Variants in NRXN1 observed in about 807,000 individuals in gnomAD.
NRXN1 encodes the protein neurexin-1.
NRXN1 carries 39 observed loss-of-function variants against 150.9 expected under a neutral mutation model. That is an observed-to-expected ratio of 0.26 (90% CI 0.20 to 0.34). The LOEUF (loss-of-function observed/expected upper bound fraction) is 0.34. NRXN1 is among the 10% of genes least tolerant of loss of function. The pLI is 1.00. For missense variants in NRXN1, 1,815 were observed against 1,949.9 expected, an observed-to-expected ratio of 0.93 and a Z score of 1.30; for synonymous variants, 924 against 757.0, an observed-to-expected ratio of 1.22 and a Z score of -3.62.
Position 50,883,421 on chromosome 2 carries a change from C to CTT in NRXN1, c.832+38446_832+38447dup, listed in dbSNP as rs11388531. 4.1e-4 allele frequency among the ~76,000 whole-genome samples: 59 copies of CTT among 144,038 alleles called. 1 individual carries two copies. Among genetic ancestry groups the CTT allele is most frequent in the East Asian group, 3.8e-3 (19 of 4,942 alleles). 94.5% of individuals were successfully genotyped at this position (144,038 alleles called of 152,430 possible). ...AGTTCACAACATTCAACATTTACAT[C>CTT]TTTTTTTTTTTTTGCATTTTAAGTA... is the stretch of plus-strand genomic sequence containing the variant. On this transcript the variant is annotated intron_variant, in intron 5 of 22. Coordinates refer to ENST00000401669, the MANE Select transcript of NRXN1 (RefSeq NM_001330078.2).
intron 8 of NRXN1, among the ~76,000 whole-genome samples, chr2:50,603,542 C>CT (rs1319843152): frequency 1.3e-5 from 2 of 152,090 alleles, no homozygotes; most frequent in African/African-American, 4.8e-5. Flanking sequence ...TGTTAGTTTG[C>CT]TTTTGATCAA....
At chr2:50,934,667 T>C (rs1341057540) in intron 2 of NRXN1, among the ~76,000 whole-genome samples, 1 of 152,188 alleles carries the variant, frequency 6.6e-6, no homozygotes, top group African/African-American at 2.4e-5. Context: ...TATCAAGCTA[T>C]TCATATAATG....
At position 50,528,644 on chromosome 2, in the gene NRXN1, G is replaced by A; in HGVS notation, c.2355C>T (p.Ile785=). 1 of 1,547,296 alleles carries A rather than the reference G, an allele frequency of 6.5e-7. No homozygotes were observed. Among genetic ancestry groups the A allele is most frequent in the Non-Finnish European group, 8.9e-7 (1 of 1,127,136 alleles). Reference sequence around the variant, plus strand: ...ACTTACTGGAATTACAGTTAATCCTGATACAATCTAGATGGGGAAGAATAG... The same window carrying A: ...ACTTACTGGAATTACAGTTAATCCTAATACAATCTAGATGGGGAAGAATAG... ...RVKLTVNLDC[I]RINCNSSKGP... is the part of the protein sequence containing the mutation. The change falls in exon 12 of 23, where the codon ATC becomes ATT. Residue 785 remains isoleucine, a synonymous_variant. Coordinates refer to ENST00000401669, the MANE Select transcript of NRXN1 (RefSeq NM_001330078.2).
Position 49,928,622 on chromosome 2 carries a change from GA to G in NRXN1, c.4217-6372del, listed in dbSNP as rs544201095. Among the ~76,000 whole-genome samples the G allele has an allele frequency of 2.1e-3, 321 of 151,172 alleles. 1 individual carries two copies. Among genetic ancestry groups the G allele is most frequent in the African/African-American group, 7.4e-3 (304 of 41,234 alleles). ...ATTAGCACACTTTTTTCCCCCATTT[GA>G]AAAAAAACAACTCAAAGTTTATTAC... On this transcript the variant is annotated intron_variant, in intron 22 of 22. Coordinates refer to ENST00000401669, the MANE Select transcript of NRXN1 (RefSeq NM_001330078.2).
chr2:50,827,231 A>G (rs1670580029), intron 5 of NRXN1, among the ~76,000 whole-genome samples: 1 of 152,218 alleles, frequency 6.6e-6, no homozygotes, highest in South Asian at 2.1e-4. Context: ...AAATACATCA[A>G]TATTTCTAGC....
rs1231033635 is a variant in NRXN1, at chr2:50,538,306, C to T, written c.2090G>A (p.Arg697Lys). Residue 697 changes from arginine to lysine, a missense_variant, in exon 10 of 23, where the codon AGA (arginine) becomes AAA (lysine). Transcript: ENST00000401669. ...TGTTCCGGAACAATCACAGACATAT[C>T]TGTTCCACCCATCCCTGCACATGCC... ...NNGMCRDGWN[R>K]YVCDCSGTGY... 6.2e-7 allele frequency: 1 copy of T among 1,613,948 alleles called. No homozygotes were observed. The highest frequency in any genetic ancestry group is 8.5e-7 in the Non-Finnish European group (1 of 1,179,848).
chr2:50,303,785 C>A (rs72874462), intron 17 of NRXN1, among the ~76,000 whole-genome samples: 28,948 of 151,992 alleles, frequency 0.19, 2,996 homozygotes, highest in East Asian at 0.39. Flanking sequence ...TAGGTAAAAA[C>A]AATTTCCATT....
At chr2:50,817,478 G>A (rs529116966) in intron 5 of NRXN1, among the ~76,000 whole-genome samples, 66 of 152,124 alleles carry the variant, frequency 4.3e-4, no homozygotes, top group African/African-American at 1.6e-3. Flanking sequence ...TAGAAGAGAA[G>A]AGAACATTTC....
intron 21 of NRXN1, among the ~76,000 whole-genome samples, chr2:49,977,393 T>C (rs1324965812): frequency 6.6e-6 from 1 of 152,200 alleles, no homozygotes. Context: ...CATTCTATAA[T>C]GTACAGGACA....
At chr2:50,270,594 TAC>T (rs1206784610) in intron 17 of NRXN1, among the ~76,000 whole-genome samples, 2 of 152,138 alleles carry the variant, frequency 1.3e-5, no homozygotes, top group Non-Finnish European at 2.9e-5. Flanking sequence ...TTTCCCATTA[TAC>T]ACACAGTTTA....
intron 18 of NRXN1, among the ~76,000 whole-genome samples, chr2:50,105,483 C>T (rs1165194077): frequency 1.3e-5 from 2 of 151,974 alleles, no homozygotes; most frequent in African/African-American, 4.8e-5. Context: ...AGTTTACATC[C>T]AGTTTTTCTC....
At chr2:50,265,978 T>C (rs957126314) in intron 17 of NRXN1, among the ~76,000 whole-genome samples, 3 of 93,460 alleles carry the variant, frequency 3.2e-5, no homozygotes, top group Non-Finnish European at 6.2e-5. Flanking sequence ...ATTATTATTA[T>C]TATTATTATT....
chr2:50,553,318 T>A (rs1667791661), intron 8 of NRXN1, among the ~76,000 whole-genome samples: 1 of 152,236 alleles, frequency 6.6e-6, no homozygotes, highest in South Asian at 2.1e-4. Context: ...TCTGCATATA[T>A]CTTTAATTTC....
At chr2:50,605,878 G>C (rs1451301862) in intron 8 of NRXN1, among the ~76,000 whole-genome samples, 2 of 152,078 alleles carry the variant, frequency 1.3e-5, no homozygotes, top group African/African-American at 2.4e-5. Context: ...CAATAGCCAG[G>C]ATGAGCACAC....
intron 12 of NRXN1, 137 bp from the exon 13 acceptor site, chr2:50,506,754 A>C: frequency 1.2e-6 from 1 of 861,514 alleles, no homozygotes; most frequent in Non-Finnish European, 1.7e-6. Flanking sequence ...AGAAAGAGAG[A>C]GAGGAGGGAG....
intron 19 of NRXN1, among the ~76,000 whole-genome samples, chr2:50,090,806 A>G (rs75815832): frequency 0.017 from 2,638 of 152,210 alleles, 78 homozygotes; most frequent in African/African-American, 0.06. Flanking sequence ...ACATGTTCTT[A>G]TAACTGCTGA....
chr2:50,499,003 G>T (rs1370729094), intron 13 of NRXN1, among the ~76,000 whole-genome samples: 1 of 152,134 alleles, frequency 6.6e-6, no homozygotes, highest in African/African-American at 2.4e-5. Context: ...TTTCCCCAGG[G>T]GTAATGAAGA....
intron 21 of NRXN1, among the ~76,000 whole-genome samples, chr2:50,052,765 G>C (rs1193098482): frequency 1.3e-5 from 2 of 151,470 alleles, no homozygotes; most frequent in South Asian, 2.1e-4. Context: ...TAGTGAAAGA[G>C]TATACCCATC....
At chr2:50,724,777 G>C (rs935948336) in intron 5 of NRXN1, among the ~76,000 whole-genome samples, 2 of 152,084 alleles carry the variant, frequency 1.3e-5, no homozygotes, top group African/African-American at 4.8e-5. Flanking sequence ...TGTGTGATGA[G>C]GTATTACTCA....
Sources: allele counts gnomAD v4.1 joint callset (sites outside exome capture counted in the v4.1 genomes callset), GRCh38; gene constraint gnomAD v4.1.1; transcripts MANE v1.5; gene names NCBI Gene and HGNC (gene_info 2026-07-23, HGNC 2026-07-21).